GNAL: variants seen among roughly 807,000 people sequenced by gnomAD.
GNAL encodes guanine nucleotide-binding protein G(olf) subunit alpha.
GNAL carries 18 observed loss-of-function variants against 55.1 expected under a neutral mutation model. The ratio of observed to expected loss-of-function variants is 0.33; its 90% CI spans 0.23 to 0.48. The LOEUF (loss-of-function observed/expected upper bound fraction) is 0.48, where lower values mean the gene tolerates loss of function less well. Among genes scored for constraint, GNAL ranks in the 20% least tolerant of loss-of-function variants. The probability of loss-of-function intolerance (pLI) is 0.99; values close to 1 mark genes in which losing one functional copy is unlikely to be tolerated. For missense variants in GNAL, 412 were observed against 614.1 expected (o/e 0.67, Z 3.48); for synonymous variants, 253 against 237.0 (o/e 1.07, Z -0.62).
At chr18:11,730,031 C>CTTTTTT (rs1431492708) in intron 1 of GNAL, among the ~76,000 whole-genome samples, 1 of 151,430 alleles carries the variant, frequency 6.6e-6, no homozygotes, top group African/African-American at 2.4e-5. Context: ...TTTTTCTTTT[C>CTTTTTT]TTTTCTTTTC....
chr18:11,817,586 G>A (rs12454673), intron 4 of GNAL, among the ~76,000 whole-genome samples: 70,088 of 152,010 alleles, frequency 0.46, 19,095 homozygotes, highest in Admixed American at 0.62. Flanking sequence ...GCTTGTTTTC[G>A]TGTAGTTTTC....
At chr18:11,695,564 A>G (rs1179430409) in intron 1 of GNAL, among the ~76,000 whole-genome samples, 6 of 152,180 alleles carry the variant, frequency 3.9e-5, no homozygotes. Flanking sequence ...AGTCAATGCC[A>G]TTGATTTTTC....
At chr18:11,715,456 A>G (rs1319263336) in intron 1 of GNAL, among the ~76,000 whole-genome samples, 1 of 137,900 alleles carries the variant, frequency 7.3e-6, no homozygotes. Context: ...GCAAGACTCC[A>G]TCTCAAAAAA....
chr18:11,717,718 C>T (rs1184715595), intron 1 of GNAL, among the ~76,000 whole-genome samples: 2 of 152,100 alleles, frequency 1.3e-5, no homozygotes, highest in African/African-American at 2.4e-5. Context: ...TGCATGTTCT[C>T]ACTTATAAGT....
chr18:11,734,825 C>A (rs1230027092), intron 1 of GNAL, among the ~76,000 whole-genome samples: 3 of 150,048 alleles, frequency 2.0e-5, no homozygotes, highest in African/African-American at 7.4e-5. Flanking sequence ...CTCAGAGAAC[C>A]ACAGCAACCA....
intron 5 of GNAL, chr18:11,852,051 G>C: frequency 6.2e-7 from 1 of 1,613,592 alleles, no homozygotes; most frequent in Non-Finnish European, 8.5e-7. Context: ...GCACGAGCGT[G>C]GCTTCGGCGG....
chr18:11,823,333 A>G (rs1464219736), intron 4 of GNAL, among the ~76,000 whole-genome samples: 1 of 152,136 alleles, frequency 6.6e-6, no homozygotes, highest in East Asian at 1.9e-4. Flanking sequence ...TCAGGGGGAG[A>G]ATGTCTCTTT....
chr18:11,720,670 T>C (rs1268928178), intron 1 of GNAL, among the ~76,000 whole-genome samples: 1 of 152,250 alleles, frequency 6.6e-6, no homozygotes, highest in African/African-American at 2.4e-5. Context: ...CCAATTGAAG[T>C]TGAAGTGGAA....
chr18:11,869,382 A>G (rs1471318742), intron 9 of GNAL, among the ~76,000 whole-genome samples: 1 of 152,058 alleles, frequency 6.6e-6, no homozygotes, highest in Non-Finnish European at 1.5e-5. Flanking sequence ...TGACCTCGTG[A>G]TCCACCCACC....
chr18:11,786,181 T>C (rs1036502518), intron 4 of GNAL, among the ~76,000 whole-genome samples: 1 of 152,114 alleles, frequency 6.6e-6, no homozygotes, highest in African/African-American at 2.4e-5. Context: ...CTGCTAACCC[T>C]GGAGGAGATA....
intron 1 of GNAL, among the ~76,000 whole-genome samples, chr18:11,695,481 T>C (rs2031378549): frequency 6.6e-6 from 1 of 152,170 alleles, no homozygotes; most frequent in African/African-American, 2.4e-5. Flanking sequence ...AATGAACACA[T>C]ATAGCAAACA....
chr18:11,781,112 G>A (rs2033915251), intron 4 of GNAL, among the ~76,000 whole-genome samples: 1 of 152,138 alleles, frequency 6.6e-6, no homozygotes, highest in African/African-American at 2.4e-5. Context: ...TGTTTCTTAC[G>A]GCTATTTCAA....
At chr18:11,814,854 C>A (rs1306381435) in intron 4 of GNAL, among the ~76,000 whole-genome samples, 3 of 150,176 alleles carry the variant, frequency 2.0e-5, no homozygotes, top group Non-Finnish European at 3.0e-5. Flanking sequence ...ACCGAGATCA[C>A]GCCACTGCAC....
chr18:11,870,538 A>AT (rs796117173), intron 9 of GNAL, among the ~76,000 whole-genome samples: 5 of 151,734 alleles, frequency 3.3e-5, no homozygotes, highest in African/African-American at 7.3e-5. Flanking sequence ...AAAAAAAAAA[A>AT]TTTTTTTAAT....
chr18:11,723,528 C>T (rs182834171), intron 1 of GNAL, among the ~76,000 whole-genome samples: 30 of 152,332 alleles, frequency 2.0e-4, no homozygotes, highest in African/African-American at 7.0e-4. Context: ...ATAACTACCC[C>T]CATTTATTAC....
intron 6 of GNAL, 97 bp downstream of exon 6, chr18:11,862,546 C>A (rs2036170435): frequency 9.6e-7 from 1 of 1,038,464 alleles, no homozygotes; most frequent in Admixed American, 1.9e-5. Context: ...AAGGAAAAAT[C>A]CTTAAGATAC....
intron 4 of GNAL, among the ~76,000 whole-genome samples, chr18:11,803,345 C>T (rs2034568316): frequency 1.3e-5 from 2 of 152,188 alleles, no homozygotes; most frequent in Non-Finnish European, 2.9e-5. Context: ...AGGCTCATGT[C>T]ACTTAGCACA....
chr18:11,699,320 A>G (rs929210734), intron 1 of GNAL, among the ~76,000 whole-genome samples: 2 of 151,660 alleles, frequency 1.3e-5, no homozygotes, highest in Non-Finnish European at 2.9e-5. Context: ...TCAGCCTCCC[A>G]AGTAGCTAGG....
At position 11,869,081 on chromosome 18, in the gene GNAL, G is replaced by A. The variant is rs557458890; in HGVS notation, c.1031+418G>A. ...TTTACTGATAAATCCAGAACCGTACGAAGTATCTCTTTTAGTTCATCTATT... is the reference window on the plus strand; with the variant it reads ...TTTACTGATAAATCCAGAACCGTACAAAGTATCTCTTTTAGTTCATCTATT... On this transcript the variant is annotated intron_variant, in intron 9 of 11. Coordinates refer to ENST00000334049, the MANE Select transcript of GNAL (RefSeq NM_182978.4). Among the ~76,000 whole-genome samples the A allele has an allele frequency of 3.9e-5, 6 of 152,174 alleles. No individual in the cohort carries two copies. The South Asian group carries it at 6.2e-4, about 16-fold the overall frequency.
Sources: gnomAD v4.1 joint callset for allele counts (sites outside exome capture counted in the v4.1 genomes callset) on GRCh38, gnomAD v4.1.1 for gene constraint, MANE v1.5 for transcripts, NCBI Gene and HGNC (gene_info 2026-07-23, HGNC 2026-07-21) for gene names.